ILDR1: variants seen among roughly 807,000 people sequenced by gnomAD.
The protein encoded by ILDR1 is immunoglobulin-like domain-containing receptor 1.
In ILDR1, 56 loss-of-function variants were observed where a neutral mutation model predicts 62.4. The ratio of observed to expected loss-of-function variants is 0.90; its 90% CI spans 0.72 to 1.12. The LOEUF (loss-of-function observed/expected upper bound fraction) is 1.12, where lower values mean the gene tolerates loss of function less well. ILDR1 is among the 50% of genes most tolerant of loss of function. The pLI, the probability that ILDR1 is intolerant of heterozygous loss-of-function variation, is 0.00. For synonymous variants in ILDR1, 284 were observed against 277.8 expected (o/e 1.02, Z -0.22); for missense variants, 736 against 710.6 (o/e 1.04, Z -0.41).
At chr3:121,991,903 C>G (rs2071354058) in intron 7 of ILDR1, among the ~76,000 whole-genome samples, 2 of 152,224 alleles carry the variant, frequency 1.3e-5, no homozygotes, top group South Asian at 4.1e-4. Flanking sequence ...ACAGACTACA[C>G]TTCTTCTTTT....
At chr3:122,047,173 C>T in the ILDR1 span, among the ~76,000 whole-genome samples, 3 of 148,898 alleles carry the variant, frequency 2.0e-5, no homozygotes, top group East Asian at 3.9e-4. Context: ...TTGGAATACC[C>T]TGCCGTGTGA....
intron 1 of ILDR1, among the ~76,000 whole-genome samples, chr3:122,020,337 T>C (rs1486347698): frequency 6.6e-6 from 1 of 152,232 alleles, no homozygotes; most frequent in African/African-American, 2.4e-5. Context: ...TTTGAATAGT[T>C]TCGTAACTTG....
chr3:122,055,678 A>C, the ILDR1 span, among the ~76,000 whole-genome samples: 1 of 152,250 alleles, frequency 6.6e-6, no homozygotes, highest in Non-Finnish European at 1.5e-5. Context: ...TGCAATGCCC[A>C]AAGCAGTTCA....
chr3:122,012,558 T>C (rs1278397629), intron 1 of ILDR1, among the ~76,000 whole-genome samples: 1 of 152,192 alleles, frequency 6.6e-6, no homozygotes, highest in East Asian at 1.9e-4. Flanking sequence ...GAAAAGGGAA[T>C]TTGGTTAGAG....
the ILDR1 span, among the ~76,000 whole-genome samples, chr3:122,046,076 T>G: frequency 6.7e-6 from 1 of 149,442 alleles, no homozygotes; most frequent in Non-Finnish European, 1.5e-5. Context: ...CTTTCCATGT[T>G]TAGCACTTCC....
upstream of ILDR1, chr3:122,022,336 C>T: frequency 2.5e-6 from 1 of 406,762 alleles, no homozygotes; most frequent in East Asian, 4.2e-5. Context: ...TCCCGGGGGA[C>T]TGCGGCCACC....
At chr3:121,992,295 C>T (rs898232206) in intron 7 of ILDR1, among the ~76,000 whole-genome samples, 2 of 152,192 alleles carry the variant, frequency 1.3e-5, no homozygotes, top group Non-Finnish European at 2.9e-5. Flanking sequence ...CGCCACCACA[C>T]CCAGCTAATT....
At chr3:122,058,739 G>A in the ILDR1 span, among the ~76,000 whole-genome samples, 1 of 151,998 alleles carries the variant, frequency 6.6e-6, no homozygotes, top group Non-Finnish European at 1.5e-5. Context: ...AACAAATAGA[G>A]ACATGATAAA....
intron 5 of ILDR1, among the ~76,000 whole-genome samples, chr3:121,999,126 C>T (rs985152860): frequency 2.2e-4 from 34 of 152,296 alleles, no homozygotes; most frequent in Middle Eastern, 3.4e-3. Context: ...TGAAACCAGA[C>T]TCAGGCCACC....
intron 1 of ILDR1, among the ~76,000 whole-genome samples, chr3:122,012,630 A>T (rs767267557): frequency 3.3e-5 from 5 of 152,252 alleles, no homozygotes; most frequent in Non-Finnish European, 7.3e-5. Context: ...CAAAACTGAG[A>T]TGAAGATAAT....
intron 5 of ILDR1, among the ~76,000 whole-genome samples, chr3:121,999,946 G>T (rs1430807668): frequency 6.6e-6 from 1 of 151,802 alleles, no homozygotes; most frequent in Non-Finnish European, 1.5e-5. Flanking sequence ...AGATTTGCTG[G>T]GCACTAACTA....
intron 1 of ILDR1, among the ~76,000 whole-genome samples, chr3:122,017,798 A>G (rs972891607): frequency 8.5e-5 from 13 of 152,360 alleles, no homozygotes; most frequent in Admixed American, 3.3e-4. Flanking sequence ...AAAAATACTC[A>G]TCATCACTGG....
intron 7 of ILDR1, among the ~76,000 whole-genome samples, chr3:121,989,330 C>A (rs2071303549): frequency 6.6e-6 from 1 of 152,138 alleles, no homozygotes. Context: ...AAAACCTAGA[C>A]ATGATCAAGG....
At chr3:122,009,400 A>G (rs1447887456) in intron 1 of ILDR1, among the ~76,000 whole-genome samples, 4 of 149,652 alleles carry the variant, frequency 2.7e-5, no homozygotes, top group African/African-American at 9.9e-5. Context: ...GTTCAAATTA[A>G]ACTTTAATAT....
chr3:122,043,013 T>C, the ILDR1 span, among the ~76,000 whole-genome samples: 1 of 147,538 alleles, frequency 6.8e-6, no homozygotes, highest in Non-Finnish European at 1.5e-5. Context: ...TGAATGGTAA[T>C]GCCTAGGTTT....
chr3:122,024,727 G>T (rs570672285), upstream of ILDR1, among the ~76,000 whole-genome samples: 3 of 152,196 alleles, frequency 2.0e-5, no homozygotes, highest in Non-Finnish European at 4.4e-5. Flanking sequence ...GGAAACCGAG[G>T]TACAAAGAGA....
the ILDR1 span, chr3:122,055,383 G>C: frequency 9.1e-7 from 1 of 1,096,856 alleles, no homozygotes; most frequent in Non-Finnish European, 1.4e-6. Flanking sequence ...AGGAAGGCTT[G>C]CACAGGGTGA....
chr3:122,027,239 G>A (rs1395242958), upstream of ILDR1, among the ~76,000 whole-genome samples: 1 of 152,030 alleles, frequency 6.6e-6, no homozygotes, highest in Non-Finnish European at 1.5e-5. Context: ...ATCCAGGCTG[G>A]ACTGCAGTGG....
At chr3:122,008,634 C>T (rs2071654539) in intron 1 of ILDR1, among the ~76,000 whole-genome samples, 1 of 143,894 alleles carries the variant, frequency 6.9e-6, no homozygotes, top group Non-Finnish European at 1.5e-5. Context: ...CGCTCTGTCA[C>T]TCAGGCTGGA....
Sources: allele counts gnomAD v4.1 joint callset (sites outside exome capture counted in the v4.1 genomes callset), GRCh38; gene constraint gnomAD v4.1.1; transcripts MANE v1.5; gene names NCBI Gene and HGNC (gene_info 2026-07-23, HGNC 2026-07-21).